The following EPS8L3 variants were observed in gnomAD, a reference collection of about 807,000 sequenced individuals.
The protein encoded by EPS8L3 is epidermal growth factor receptor kinase substrate 8-like protein 3.
In EPS8L3, 80 loss-of-function variants were observed where a neutral mutation model predicts 88.5. The observed-to-expected ratio is 0.90, with a 90% CI of 0.75 to 1.09. The LOEUF is 1.09. EPS8L3 is among the 50% of genes least tolerant of loss of function. The pLI is 0.00. For synonymous variants in EPS8L3, 286 were observed against 291.0 expected (o/e 0.98, Z 0.18); for missense variants, 721 against 735.2 (o/e 0.98, Z 0.22).
rs777341183 is a variant in EPS8L3 at position 109,757,158 on chromosome 1, G to A, written c.977C>T (p.Ala326Val). Residue 326 changes from alanine to valine, a missense_variant, in exon 12 of 19, where the codon GCC becomes GTC. Transcript: ENST00000361965. Reference sequence around the variant, plus strand: ...TGCTAGGCCAGCCTCAGGGCACCTGGCCAGGATCTAGGGGAGAGATGGAAG... The same window carrying A: ...TGCTAGGCCAGCCTCAGGGCACCTGACCAGGATCTAGGGGAGAGATGGAAG... ...ILFKSLNFIL[A>V]RCPEAGLAAQ... The A allele has an allele frequency of 1.2e-6, 2 of 1,610,582 alleles. No individual in the cohort carries two copies. Among genetic ancestry groups the A allele is most frequent in the Admixed American group, 3.3e-5 (2 of 59,704 alleles).
At chr1:109,754,796 G>A (rs1401090018) in intron 12 of EPS8L3, among the ~76,000 whole-genome samples, 1 of 152,158 alleles carries the variant, frequency 6.6e-6, no homozygotes, top group Non-Finnish European at 1.5e-5. Context: ...AGATACCAGA[G>A]CTATTCCCAC....
rs1025196293 is a variant in EPS8L3, at chr1:109,757,516, C to G, written c.934G>C (p.Glu312Gln). 6.2e-7 allele frequency: 1 copy of G among 1,614,136 alleles called. No homozygotes were observed. Among genetic ancestry groups the G allele is most frequent in the Admixed American group, 1.7e-5 (1 of 60,020 alleles). The change falls in exon 11 of 19, where the codon GAG (glutamate) becomes CAG (glutamine). Residue 312 changes from glutamate to glutamine, a missense_variant. By Grantham distance (29) the Glu-to-Gln change is conservative. Coordinates refer to ENST00000361965, the MANE Select transcript of EPS8L3 (RefSeq NM_133181.4). ...GACTTGAAGAGGATGTGTACGAGCT[C>G]AGGGGCACTTGTCTCCTTCAGCCAG... ...ATWLKETSAP[E>Q]LVHILFKSLN...
chr1:109,763,872 G>A lies in EPS8L3; in HGVS notation c.-75C>T, dbSNP rs1411543689. 1.3e-5 allele frequency: 2 copies of A among 153,210 alleles called. No homozygotes were observed. The highest frequency in any genetic ancestry group is 2.9e-5 in the Non-Finnish European group (2 of 68,512). 9.5% of individuals were successfully genotyped at this position (153,210 alleles called of 1,614,324 possible). Reference sequence around the variant, plus strand: ...CTGGTCCCCCCAGGAGGCTGGTCTTGGAGCAGGTGGTCCGGTGCTGGTGGT... The same window carrying A: ...CTGGTCCCCCCAGGAGGCTGGTCTTAGAGCAGGTGGTCCGGTGCTGGTGGT... On this transcript the variant is annotated 5_prime_UTR_variant, in exon 1 of 19. Transcript: ENST00000361965.
At chr1:109,756,640 T>C (rs941919338) in intron 12 of EPS8L3, among the ~76,000 whole-genome samples, 2 of 152,204 alleles carry the variant, frequency 1.3e-5, no homozygotes, top group South Asian at 2.1e-4. Flanking sequence ...CTTACTGATA[T>C]TACATTTGCA....
In EPS8L3 at chr1:109,759,399, G is replaced by A. The variant is rs779793789; in HGVS notation, c.256-12C>T. ...GAGTCCAGCTCCTCCTGGGCCAGGT[G>A]GAGAGGTCAACTGTGAGGCCACCAG... On this transcript the variant is annotated splice_polypyrimidine_tract_variant and intron_variant, in intron 4 of 18. Coordinates refer to ENST00000361965, the MANE Select transcript of EPS8L3 (RefSeq NM_133181.4). The surrounding 1 kb of genome is among the most constrained non-coding windows in gnomAD (Gnocchi z 4.2). 6 of 1,612,374 alleles carry A rather than the reference G, an allele frequency of 3.7e-6. No individual in the cohort carries two copies. The highest frequency in any genetic ancestry group is 3.3e-4 in the Middle Eastern group (2 of 6,058).
chr1:109,752,354 G>A, intron 14 of EPS8L3, 161 bp from the exon 15 acceptor site: 1 of 678,820 alleles, frequency 1.5e-6, no homozygotes, highest in Non-Finnish European at 2.5e-6. Flanking sequence ...GGGGCTTTCT[G>A]CAGGCAGGAG....
At chr1:109,758,877 A>T (rs1334402344) in intron 6 of EPS8L3, among the ~76,000 whole-genome samples, 185 bp downstream of exon 6, 1 of 151,784 alleles carries the variant, frequency 6.6e-6, no homozygotes, top group Non-Finnish European at 1.5e-5. Context: ...GTCTCTGAGG[A>T]CAGTCTCTAG....
At position 109,759,019 on chromosome 1, in the gene EPS8L3, G is replaced by C. The variant is rs375467176; in HGVS notation, c.461+43C>G. On this transcript the variant is annotated intron_variant, in intron 6 of 18. Coordinates refer to ENST00000361965, the MANE Select transcript of EPS8L3 (RefSeq NM_133181.4). The surrounding 1 kb of genome is among the most constrained non-coding windows in gnomAD (Gnocchi z 4.2). Reference sequence around the variant, plus strand: ...GGGTCAGGGTCTGGCCCCCGAGGCTGAGCTGGGAGGCCCCATAGGTGGGCT... The same window carrying C: ...GGGTCAGGGTCTGGCCCCCGAGGCTCAGCTGGGAGGCCCCATAGGTGGGCT... 4.0e-5 allele frequency: 62 copies of C among 1,562,182 alleles called. No individual in the cohort carries two copies. The highest frequency in any genetic ancestry group is 5.2e-5 in the Non-Finnish European group (60 of 1,150,682).
chr1:109,763,470 G>T (rs189961451), intron 1 of EPS8L3, among the ~76,000 whole-genome samples: 1 of 152,184 alleles, frequency 6.6e-6, no homozygotes, highest in African/African-American at 2.4e-5. Flanking sequence ...ACCCCAGGGA[G>T]GGAAGAGGGA....
chr1:109,758,279 A>C (rs758302769), intron 8 of EPS8L3, 37 bp downstream of exon 8: 276 of 1,577,420 alleles, frequency 1.7e-4, no homozygotes, highest in Non-Finnish European at 2.4e-4. Context: ...TCCCAGGCCC[A>C]GAAAGCCTCA....
At chr1:109,762,817 G>A (rs75230322) in intron 1 of EPS8L3, among the ~76,000 whole-genome samples, 1,651 of 152,292 alleles carry the variant, frequency 0.011, 33 homozygotes, top group African/African-American at 0.038. Context: ...AGATCTGTCC[G>A]ATTGCAAGCT....
chr1:109,761,738 G>T lies in EPS8L3; in HGVS notation c.12C>A (p.Pro4=). 1 of 1,613,994 alleles carries T rather than the reference G, an allele frequency of 6.2e-7. No individual in the cohort carries two copies. The highest frequency in any genetic ancestry group is 8.5e-7 in the Non-Finnish European group (1 of 1,179,976). The change falls in exon 2 of 19, where the codon CCC becomes CCA. Residue 4 remains proline (P), a synonymous_variant. Transcript: ENST00000361965. ...GCTTACAGTAAATGGCTCTGCTGCTGGGCCTTGACATGTTGACGCTGCTGA... is the reference window on the plus strand; with the variant it reads ...GCTTACAGTAAATGGCTCTGCTGCTTGGCCTTGACATGTTGACGCTGCTGA... MSR[P]SSRAIYLHRK...
In EPS8L3 at chr1:109,757,561, G is replaced by A. The variant is rs1650412000; in HGVS notation, c.895-6C>T. On this transcript the variant is annotated splice_region_variant and splice_polypyrimidine_tract_variant and intron_variant, in intron 10 of 18. Coordinates refer to ENST00000361965, the MANE Select transcript of EPS8L3 (RefSeq NM_133181.4). ...AGCCAGGTGGCCAGCCTTCCCTGGGGACACAGAGCAATGCCTGTCACCACC... is the reference window on the plus strand; with the variant it reads ...AGCCAGGTGGCCAGCCTTCCCTGGGAACACAGAGCAATGCCTGTCACCACC... 1.9e-6 allele frequency: 3 copies of A among 1,613,106 alleles called. No homozygotes were observed. The highest frequency in any genetic ancestry group is 2.5e-6 in the Non-Finnish European group (3 of 1,179,398).
At chr1:109,755,459 A>C in intron 12 of EPS8L3, among the ~76,000 whole-genome samples, 1 of 152,236 alleles carries the variant, frequency 6.6e-6, no homozygotes, top group East Asian at 1.9e-4. Flanking sequence ...ACTATAATTC[A>C]TGTCTTCAGA....
At chr1:109,754,731 C>T (rs561126386) in intron 12 of EPS8L3, among the ~76,000 whole-genome samples, 76 of 152,262 alleles carry the variant, frequency 5.0e-4, no homozygotes, top group African/African-American at 1.7e-3. Flanking sequence ...ACTTGAGGCC[C>T]TCTTGTTTGA....
At chr1:109,761,603 G>A (rs373160190) in intron 2 of EPS8L3, 44 bp from the exon 3 acceptor site, 18 of 1,610,402 alleles carry the variant, frequency 1.1e-5, no homozygotes, top group African/African-American at 2.7e-5. Flanking sequence ...GCAGAAGAAC[G>A]AGGTGAGACT....
intron 14 of EPS8L3, 69 bp downstream of exon 14, chr1:109,752,617 A>G (rs912326653): frequency 3.6e-6 from 5 of 1,406,014 alleles, no homozygotes; most frequent in Non-Finnish European, 4.9e-6. Flanking sequence ...AGAGAGCCAG[A>G]GATCCAAAGG....
rs369574563 is a variant in EPS8L3, at chr1:109,759,227, C to A, written c.405+11G>T. 2 of 1,613,254 alleles carry A rather than the reference C, an allele frequency of 1.2e-6. No homozygotes were observed. Among genetic ancestry groups the A allele is most frequent in the South Asian group, 1.1e-5 (1 of 91,018 alleles). On this transcript the variant is annotated intron_variant, in intron 5 of 18. Coordinates refer to ENST00000361965, the MANE Select transcript of EPS8L3 (RefSeq NM_133181.4). This position sits in a 1 kb window ranked among gnomAD's most constrained non-coding sequence, Gnocchi z 4.2. ...AACCCCACCCCTGACCAATCACCCCCGACCACTCACCCCCACTTCCTGGCA... is the reference window on the plus strand; with the variant it reads ...AACCCCACCCCTGACCAATCACCCCAGACCACTCACCCCCACTTCCTGGCA...
rs966431115 is a variant in EPS8L3, at chr1:109,761,119, C to A, written c.96+376G>T. 3 of 208,992 alleles carry A rather than the reference C, an allele frequency of 1.4e-5. No homozygotes were observed. The East Asian group carries it at 3.0e-4, about 21-fold the overall frequency. The allele number at this position is 208,992 out of a possible 1,614,324, so 12.9% of individuals were successfully genotyped here. ...ACTCCTGCCTCCAGCCATGCAAGGT[C>A]TTGGGCAATGGAGCAGTGCCCTGGG... is the stretch of plus-strand genomic sequence containing the variant. On this transcript the variant is annotated intron_variant, in intron 3 of 18. Transcript: ENST00000361965.
Sources: gnomAD v4.1 joint callset for allele counts (sites outside exome capture counted in the v4.1 genomes callset) on GRCh38, gnomAD v4.1.1 for gene constraint, Gnocchi (gnomAD v3.1) non-coding constraint, MANE v1.5 for transcripts, NCBI Gene and HGNC (gene_info 2026-07-23, HGNC 2026-07-21) for gene names.